Variants in DZIP1 observed in about 807,000 individuals in gnomAD.
DZIP1 encodes DAZ interacting zinc finger protein 1, also known as cilium assembly protein DZIP1.
Under a neutral mutation model 107.6 loss-of-function variants are expected in DZIP1, and 97 were observed. That is an observed-to-expected ratio of 0.90 (90% confidence interval 0.77 to 1.07). The LOEUF is 1.07. Ranked by LOEUF, DZIP1 falls within the 50% of genes least tolerant of loss-of-function variation. DZIP1 has a pLI of 0.00. For synonymous variants in DZIP1, 390 were observed against 386.4 expected (o/e 1.01, Z -0.11); for missense variants, 1,035 against 1,063.6 (o/e 0.97, Z 0.37).
At chr13:95,620,047 T>C in intron 9 of DZIP1, 100 bp from the exon 10 acceptor site, 1 of 1,290,806 alleles carries the variant, frequency 7.7e-7, no homozygotes. Context: ...AACCCAACTA[T>C]CTATCTGGTA....
intron 13 of DZIP1, 54 bp downstream of exon 13, chr13:95,609,403 G>T: frequency 8.3e-7 from 1 of 1,198,242 alleles, no homozygotes; most frequent in South Asian, 2.0e-5. Context: ...GTTATGTTTT[G>T]GTTTAGCATT....
At chr13:95,602,373 G>A (rs74109010) in intron 14 of DZIP1, among the ~76,000 whole-genome samples, 2,776 of 152,240 alleles carry the variant, frequency 0.018, 83 homozygotes, top group African/African-American at 0.062. Flanking sequence ...CCAAATGGAG[G>A]AAATCTCTCC....
At chr13:95,618,037 C>T (rs189822404) in intron 10 of DZIP1, 9 of 518,926 alleles carry the variant, frequency 1.7e-5, no homozygotes, top group East Asian at 1.1e-4. Flanking sequence ...ATGGAGATGT[C>T]GAGTACTGAG....
rs370796278 is a variant in DZIP1, at chr13:95,617,231, C to A, written c.1173+2654G>T. Among the ~76,000 whole-genome samples the A allele has an allele frequency of 3.0e-4, 45 of 152,096 alleles. No homozygotes were observed. In the South Asian group the frequency reaches 8.9e-3, roughly 30 times the overall value. The stretch of plus-strand genomic sequence containing the variant: ...CAAAAAAAAAAGAAATAAGAAGTCC[C>A]AGGCCCTTCCTGAAGCGGGAGAATG... On this transcript the variant is annotated intron_variant, in intron 10 of 22. Transcript: ENST00000376829.
intron 12 of DZIP1, among the ~76,000 whole-genome samples, chr13:95,610,777 G>A (rs916367216): frequency 3.3e-5 from 5 of 152,088 alleles, no homozygotes; most frequent in African/African-American, 9.7e-5. Flanking sequence ...ACAATTACAC[G>A]GCAACAGTGG....
At chr13:95,615,294 C>T (rs1177890368) in intron 10 of DZIP1, among the ~76,000 whole-genome samples, 1 of 152,210 alleles carries the variant, frequency 6.6e-6, no homozygotes, top group Non-Finnish European at 1.5e-5. Flanking sequence ...CTGTCTGAAA[C>T]ACAGACAGCT....
chr13:95,596,967 G>A (rs139055458), intron 15 of DZIP1, among the ~76,000 whole-genome samples: 7 of 152,334 alleles, frequency 4.6e-5, no homozygotes, highest in African/African-American at 7.2e-5. Flanking sequence ...AGTGGTGCAC[G>A]TGGACCCTGG....
Position 95,614,839 on chromosome 13 carries a change from C to CA in DZIP1, c.1174-2663dup, listed in dbSNP as rs569873601. ...GAACTCCTACCAATGTTATTTAAAA[C>CA]AAAAAAAATTGCCAAGAATCTAAGT... On this transcript the variant is annotated intron_variant, in intron 10 of 22. Transcript: ENST00000376829. 1.3e-3 allele frequency among the ~76,000 whole-genome samples: 202 copies of CA among 151,758 alleles called. 2 individuals are homozygous for CA. The highest frequency in any genetic ancestry group is 2.5e-3 in the Non-Finnish European group (173 of 67,888).
chr13:95,619,893 T>G lies in DZIP1; in HGVS notation c.1165A>C (p.Lys389Gln). 1 of 1,613,894 alleles carries G rather than the reference T, an allele frequency of 6.2e-7. No individual in the cohort carries two copies. The highest frequency in any genetic ancestry group is 1.1e-5 in the South Asian group (1 of 91,060). ...TGGTTTCTTAACCTTACCCGACCCT[T>G]CTCTTTCTTGTGTTCTTGATGAATA... ...QAIHQEHKKE[K>Q]GRLLSHIEKL... Residue 389 changes from lysine to glutamine, a missense_variant, in exon 10 of 23, where the codon AAG becomes CAG. Transcript: ENST00000376829.
intron 9 of DZIP1, among the ~76,000 whole-genome samples, chr13:95,621,712 G>GTGTA (rs1875881478): frequency 7.7e-6 from 1 of 129,578 alleles, no homozygotes; most frequent in Non-Finnish European, 1.6e-5. Flanking sequence ...GTGTGTGTGT[G>GTGTA]TGTATTTATT....
intron 13 of DZIP1, among the ~76,000 whole-genome samples, chr13:95,608,753 C>T (rs747320983): frequency 4.6e-5 from 7 of 152,252 alleles, no homozygotes; most frequent in African/African-American, 7.2e-5. Context: ...TTCCAAAACA[C>T]GCTCAAGAAC....
rs781158176 is a variant in DZIP1 at position 95,630,071 on chromosome 13, A to G, written c.728T>C (p.Ile243Thr). Residue 243 changes from isoleucine (I) to threonine (T), a missense_variant, in exon 7 of 23, where the codon ATC becomes ACC. Coordinates refer to ENST00000376829, the MANE Select transcript of DZIP1 (RefSeq NM_198968.4). ...CTGCAGCTCTTCCTTCAATACGACGATCTCACTCCGGAGCTTCTCAATCTG... is the reference window on the plus strand; with the variant it reads ...CTGCAGCTCTTCCTTCAATACGACGGTCTCACTCCGGAGCTTCTCAATCTG... ...NAQIEKLRSEIVVLKEELQLT... is the reference protein window; with the variant it reads ...NAQIEKLRSETVVLKEELQLT... 5 of 1,613,656 alleles carry G rather than the reference A, an allele frequency of 3.1e-6. No homozygotes were observed. The African/African-American group carries it at 6.7e-5, about 22-fold the overall frequency.
At chr13:95,636,719 T>C (rs1318124022) in intron 5 of DZIP1, among the ~76,000 whole-genome samples, 1 of 152,036 alleles carries the variant, frequency 6.6e-6, no homozygotes, top group East Asian at 1.9e-4. Flanking sequence ...GGAGAACTAA[T>C]GGACAAAATC....
chr13:95,611,687 T>TA (rs1372707393), intron 11 of DZIP1, among the ~76,000 whole-genome samples, 194 bp from the exon 12 acceptor site: 3 of 152,174 alleles, frequency 2.0e-5, no homozygotes. Context: ...TATATTCATG[T>TA]AAAAAACCTG....
At chr13:95,608,471 TC>T (rs2044859191) in intron 13 of DZIP1, among the ~76,000 whole-genome samples, 1 of 151,776 alleles carries the variant, frequency 6.6e-6, no homozygotes, top group African/African-American at 2.4e-5. Flanking sequence ...TGGTTTTTTT[TC>T]CTGCATAGAT....
Position 95,618,009 on chromosome 13 carries a change from G to A in DZIP1, c.1173+1876C>T, listed in dbSNP as rs150294406. 5.7e-4 allele frequency: 294 copies of A among 519,082 alleles called. 3 individuals carry two copies. The East Asian group carries it at 0.014, about 25-fold the overall frequency. The allele number at this position is 519,082 out of a possible 1,614,324, so 32.2% of individuals were successfully genotyped here. On this transcript the variant is annotated intron_variant, in intron 10 of 22. Coordinates refer to ENST00000376829, the MANE Select transcript of DZIP1 (RefSeq NM_198968.4). ...AACCCAAGAACTTCATCTTAGGCAT[G>A]TCGCACTTGAGAAGCCCATGGAGAT...
chr13:95,638,443 T>G (rs1302774537), intron 5 of DZIP1, among the ~76,000 whole-genome samples: 1 of 152,164 alleles, frequency 6.6e-6, no homozygotes, highest in Non-Finnish European at 1.5e-5. Flanking sequence ...CATTAGTCTA[T>G]GCACTTTTTT....
chr13:95,633,635 C>T (rs1329123909), intron 5 of DZIP1, among the ~76,000 whole-genome samples: 1 of 146,672 alleles, frequency 6.8e-6, no homozygotes, highest in Non-Finnish European at 1.5e-5. Context: ...GCTGAGATTG[C>T]ACCACTGCAC....
At position 95,641,340 on chromosome 13, in the gene DZIP1, G is replaced by A. The variant is rs143539519; in HGVS notation, c.552C>T (p.Ile184=). The A allele has an allele frequency of 1.4e-5, 23 of 1,609,990 alleles. No individual in the cohort carries two copies. In the African/African-American group the frequency reaches 2.8e-4, roughly 20 times the overall value. The change falls in exon 5 of 23, where the codon ATC becomes ATT. Residue 184 remains isoleucine, a synonymous_variant. Coordinates refer to ENST00000376829, the MANE Select transcript of DZIP1 (RefSeq NM_198968.4). The surrounding 1 kb of genome is among the most constrained non-coding windows in gnomAD (Gnocchi z 4.3). The part of the protein sequence containing the change: ...KEECKRRKKM[I]STQQLMIEAK... ...CCTCGATCATCAGCTGCTGGGTGGA[G>A]ATCATCTTCTTCCGGCGTTTGCACT...
Sources: allele counts gnomAD v4.1 joint callset (sites outside exome capture counted in the v4.1 genomes callset), GRCh38; gene constraint gnomAD v4.1.1; non-coding constraint Gnocchi (gnomAD v3.1); transcripts MANE v1.5; gene names NCBI Gene and HGNC (gene_info 2026-07-23, HGNC 2026-07-21).